The following RER1 variants were observed in gnomAD, a reference collection of about 807,000 sequenced individuals.
The protein encoded by RER1 is retention in endoplasmic reticulum sorting receptor 1, also known as protein RER1.
In RER1, 6 loss-of-function variants were observed where a neutral mutation model predicts 28.3. That is an observed-to-expected ratio of 0.21 (90% CI 0.12 to 0.42). The LOEUF (loss-of-function observed/expected upper bound fraction) is 0.42, where lower values mean the gene tolerates loss of function less well. Among genes scored for constraint, RER1 ranks in the 10% least tolerant of loss-of-function variants. RER1 has a pLI of 1.00. For missense variants in RER1, 159 were observed against 252.9 expected, an observed-to-expected ratio of 0.63 and a Z score of 2.52; for synonymous variants, 110 against 95.9, an observed-to-expected ratio of 1.15 and a Z score of -0.86.
rs1253735540 is a variant in RER1, at chr1:2,403,027, C to T, written c.502-8C>T. ...GTGCAGTAACTGAGTCTGTGTTTCT[C>T]TCCCCAGCACATGATTAAGTACCGG... On this transcript the variant is annotated splice_polypyrimidine_tract_variant and splice_region_variant and intron_variant, in intron 6 of 6. Coordinates refer to ENST00000605895, the MANE Select transcript of RER1 (RefSeq NM_007033.5). 2 of 1,610,606 alleles carry T rather than the reference C, an allele frequency of 1.2e-6. No individual in the cohort carries two copies. Among genetic ancestry groups the T allele is most frequent in the Admixed American group, 3.4e-5 (2 of 59,692 alleles).
At chr1:2,400,569 C>A (rs1642831025) in intron 4 of RER1, among the ~76,000 whole-genome samples, 1 of 152,202 alleles carries the variant, frequency 6.6e-6, no homozygotes, top group South Asian at 2.1e-4. Context: ...TCTTCTGTGC[C>A]TTTACGTGGT....
intron 6 of RER1, 79 bp downstream of exon 6, chr1:2,402,421 T>C: frequency 6.3e-7 from 1 of 1,583,542 alleles, no homozygotes; most frequent in Non-Finnish European, 8.6e-7. Flanking sequence ...TGTGCTGGGC[T>C]GTGGTGGGTG....
intron 1 of RER1, chr1:2,395,225 A>T (rs1002259642): frequency 6.4e-6 from 1 of 156,272 alleles, no homozygotes; most frequent in African/African-American, 2.4e-5. Context: ...CGCTTGCCAG[A>T]TAAGAAACTG....
chr1:2,396,701 G>A (rs567703745), intron 2 of RER1, among the ~76,000 whole-genome samples: 4 of 152,348 alleles, frequency 2.6e-5, no homozygotes, highest in African/African-American at 4.8e-5. Flanking sequence ...GCCTGGGAGC[G>A]GGGCAAGGCT....
In RER1 at chr1:2,397,141, C is replaced by G. The variant is rs1470041240; in HGVS notation, c.107C>G (p.Ser36Cys). Residue 36 changes from serine (S) to cysteine (C), a missense_variant, in exon 3 of 7, where the codon TCC becomes TGC. Coordinates refer to ENST00000605895, the MANE Select transcript of RER1 (RefSeq NM_007033.5). ...ATTTATCAGTCCTGGCTAGACAAGT[C>G]CACACCCTACACGGCTGTGCGATGG... is the stretch of plus-strand genomic sequence containing the variant. ...GQIYQSWLDK[S>C]TPYTAVRWVV... 1 of 1,613,322 alleles carries G rather than the reference C, an allele frequency of 6.2e-7. No individual in the cohort carries two copies. Among genetic ancestry groups the G allele is most frequent in the Non-Finnish European group, 8.5e-7 (1 of 1,179,432 alleles).
intron 3 of RER1, among the ~76,000 whole-genome samples, chr1:2,397,516 C>T (rs960366192): frequency 1.7e-4 from 26 of 151,568 alleles, no homozygotes; most frequent in Admixed American, 2.0e-4. Flanking sequence ...GGTGTCCCTC[C>T]GACCCTGCTG....
In RER1 at chr1:2,404,666, C is replaced by G. The variant is rs1056382049; in HGVS notation, c.*1542C>G. ...CCTCATTCCTAAGTAAGTCAAACAGCAAGACATGGTTTGCGCGGGTCTTTG... is the reference window on the plus strand; with the variant it reads ...CCTCATTCCTAAGTAAGTCAAACAGGAAGACATGGTTTGCGCGGGTCTTTG... On this transcript the variant is annotated 3_prime_UTR_variant, in exon 7 of 7. Coordinates refer to ENST00000605895, the MANE Select transcript of RER1 (RefSeq NM_007033.5). 6.6e-6 allele frequency: 1 copy of G among 152,266 alleles called. No homozygotes were observed. The highest frequency in any genetic ancestry group is 2.4e-5 in the African/African-American group (1 of 41,472). 9.4% of individuals were successfully genotyped at this position (152,266 alleles called of 1,614,324 possible). A position where few individuals can be genotyped will look rare whatever the true frequency, so the allele number is the denominator to read the frequency against.
intron 3 of RER1, among the ~76,000 whole-genome samples, chr1:2,398,930 A>G (rs1642806790): frequency 6.6e-6 from 1 of 152,086 alleles, no homozygotes; most frequent in South Asian, 2.1e-4. Context: ...TGGCAATGTG[A>G]ATTGTCTGTT....
At chr1:2,401,164 G>C (rs1016142228) in intron 5 of RER1, among the ~76,000 whole-genome samples, 1 of 151,282 alleles carries the variant, frequency 6.6e-6, no homozygotes, top group Non-Finnish European at 1.5e-5. Context: ...AGTGCGCACC[G>C]GCTTCTGTGG....
chr1:2,401,068 C>T (rs1025354448), intron 5 of RER1, 133 bp downstream of exon 5: 1 of 747,572 alleles, frequency 1.3e-6, no homozygotes, highest in Non-Finnish European at 2.3e-6. Flanking sequence ...ATCGCAGGGG[C>T]TCTCTGTAGA....
intron 2 of RER1, among the ~76,000 whole-genome samples, 185 bp from the exon 3 acceptor site, chr1:2,396,931 T>C (rs1179972793): frequency 6.6e-6 from 1 of 152,220 alleles, no homozygotes. Context: ...TTATTGAAAA[T>C]AAACTTTGGA....
rs1476950586 is a variant in RER1 at position 2,395,814 on chromosome 1, A to C, written c.24A>C (p.Gly8=). 10 of 1,613,854 alleles carry C rather than the reference A, an allele frequency of 6.2e-6. No homozygotes were observed. Among genetic ancestry groups the C allele is most frequent in the Non-Finnish European group, 8.5e-6 (10 of 1,179,814 alleles). ...GAATGTCTGAAGGGGACAGTGTGGG[A>C]GAATCCGTCCATGGGAAACCTTCGG... MSEGDSV[G]ESVHGKPSVV... is the part of the protein sequence containing the mutation. The change falls in exon 2 of 7, where the codon GGA becomes GGC. Residue 8 remains glycine (G), a synonymous_variant. Transcript: ENST00000605895.
intron 1 of RER1, chr1:2,393,908 G>C (rs1642730326): frequency 6.6e-6 from 1 of 152,244 alleles, no homozygotes; most frequent in Non-Finnish European, 1.5e-5. Context: ...GTTGGAGAGT[G>C]AGAAGTTCTG....
chr1:2,394,311 T>C (rs1014916778), intron 1 of RER1: 1 of 152,218 alleles, frequency 6.6e-6, no homozygotes, highest in Non-Finnish European at 1.5e-5. Flanking sequence ...CTGCACAGAC[T>C]TGATGATGTG....
intron 5 of RER1, 163 bp from the exon 6 acceptor site, chr1:2,402,044 A>G (rs974122870): frequency 1.5e-5 from 23 of 1,558,216 alleles, no homozygotes; most frequent in Non-Finnish European, 2.0e-5. Flanking sequence ...TGTGAGCTAC[A>G]TGCAAAGGGT....
chr1:2,402,447 T>G (rs1274821053), intron 6 of RER1, 105 bp downstream of exon 6: 6 of 1,449,712 alleles, frequency 4.1e-6, no homozygotes, highest in Non-Finnish European at 5.7e-6. Context: ...AGAGTCTGCC[T>G]GGTGTGAATG....
chr1:2,402,988 A>T, intron 6 of RER1, 47 bp from the exon 7 acceptor site: 3 of 1,505,122 alleles, frequency 2.0e-6, no homozygotes, highest in Non-Finnish European at 2.8e-6. Context: ...AGTGTGACTG[A>T]CTGGAGAGCG....
intron 5 of RER1, among the ~76,000 whole-genome samples, chr1:2,401,468 A>T (rs1642861641): frequency 1.7e-5 from 2 of 117,804 alleles, no homozygotes; most frequent in Admixed American, 2.0e-4. Context: ...TGGCAGAGGG[A>T]CTAGCCTTCT....
intron 4 of RER1, among the ~76,000 whole-genome samples, chr1:2,399,929 T>G (rs1163055725): frequency 6.6e-6 from 1 of 152,150 alleles, no homozygotes. Context: ...CTCACTGTGG[T>G]GCACAGAGAC....
Sources: allele counts gnomAD v4.1 joint callset (sites outside exome capture counted in the v4.1 genomes callset), GRCh38; gene constraint gnomAD v4.1.1; transcripts MANE v1.5; gene names NCBI Gene and HGNC (gene_info 2026-07-23, HGNC 2026-07-21).